The following DAB1 variants were observed in gnomAD, a reference collection of about 807,000 sequenced individuals.
DAB1 encodes disabled homolog 1.
A neutral mutation model predicts 64.6 loss-of-function variants in DAB1; 15 were observed. The ratio of observed to expected loss-of-function variants is 0.23; its 90% confidence interval spans 0.16 to 0.36. DAB1 has a LOEUF of 0.36. DAB1 is among the 10% of genes least tolerant of loss of function. DAB1 has a pLI of 1.00. For synonymous variants in DAB1, 235 were observed against 251.9 expected, an observed-to-expected ratio of 0.93 and a Z score of 0.64; for missense variants, 596 against 706.7, an observed-to-expected ratio of 0.84 and a Z score of 1.78.
chr1:58,506,646 G>C (rs1645994861), intron 2 of DAB1, among the ~76,000 whole-genome samples: 1 of 151,990 alleles, frequency 6.6e-6, no homozygotes, highest in South Asian at 2.1e-4. Context: ...TGTATTAAGG[G>C]TAAAATCTTT....
intron 1 of DAB1, chr1:57,307,103 C>T (rs1179080160): frequency 6.6e-6 from 1 of 152,154 alleles, no homozygotes; most frequent in East Asian, 1.9e-4. Context: ...AGGAGGGTCC[C>T]CTCGGGTCCC....
intron 2 of DAB1, among the ~76,000 whole-genome samples, chr1:57,237,297 T>C (rs1668163121): frequency 6.6e-6 from 1 of 152,196 alleles, no homozygotes; most frequent in East Asian, 1.9e-4. Flanking sequence ...CCTGTCCCCA[T>C]GGGGAGACAA....
intron 7 of DAB1, among the ~76,000 whole-genome samples, chr1:57,521,326 T>C (rs1204648097): frequency 1.3e-5 from 2 of 152,148 alleles, no homozygotes; most frequent in Non-Finnish European, 2.9e-5. Flanking sequence ...CATGCTGCTA[T>C]GAGGGATGCA....
chr1:58,060,389 T>C (rs113488518), intron 5 of DAB1: 8 of 152,322 alleles, frequency 5.3e-5, no homozygotes, highest in African/African-American at 1.4e-4. Context: ...TAAAAGAGCA[T>C]AGAGATTCTT....
At chr1:58,222,868 G>C (rs969392368) in intron 4 of DAB1, among the ~76,000 whole-genome samples, 2 of 152,104 alleles carry the variant, frequency 1.3e-5, no homozygotes, top group Non-Finnish European at 2.9e-5. Context: ...AGCCCTTCAG[G>C]GTGGGTATTA....
intron 6 of DAB1, among the ~76,000 whole-genome samples, chr1:57,697,217 A>G (rs1646855149): frequency 6.6e-6 from 1 of 152,112 alleles, no homozygotes; most frequent in African/African-American, 2.4e-5. Context: ...TGTCAGATGA[A>G]TGAATGAATG....
At chr1:57,817,186 TTATTA>T (rs1299660569) in intron 6 of DAB1, among the ~76,000 whole-genome samples, 2 of 152,180 alleles carry the variant, frequency 1.3e-5, no homozygotes, top group African/African-American at 4.8e-5. Flanking sequence ...GTTATTACGA[TTATTA>T]TATTTATCAT....
intron 7 of DAB1, among the ~76,000 whole-genome samples, chr1:57,537,333 T>G (rs1393671147): frequency 2.6e-5 from 4 of 152,166 alleles, no homozygotes; most frequent in African/African-American, 9.7e-5. Flanking sequence ...AATTATTAGG[T>G]TCTTATGAGG....
intron 2 of DAB1, among the ~76,000 whole-genome samples, chr1:57,236,645 AT>A (rs1277289491): frequency 6.6e-6 from 1 of 152,242 alleles, no homozygotes; most frequent in Non-Finnish European, 1.5e-5. Flanking sequence ...TACAGAGCTT[AT>A]CTTTTCTTCT....
chr1:57,775,790 A>C (rs1489496517), intron 6 of DAB1, among the ~76,000 whole-genome samples: 2 of 151,620 alleles, frequency 1.3e-5, no homozygotes, highest in Non-Finnish European at 3.0e-5. Context: ...AATTACTGAG[A>C]GAAGAAATGT....
chr1:57,922,782 C>T (rs1011495199), intron 5 of DAB1, among the ~76,000 whole-genome samples: 1 of 129,448 alleles, frequency 7.7e-6, no homozygotes, highest in East Asian at 2.3e-4. Flanking sequence ...GGAGGCAGAG[C>T]TTGCAGTGAG....
intron 6 of DAB1, among the ~76,000 whole-genome samples, chr1:57,783,048 T>TTCC (rs1557478426): frequency 8.4e-6 from 1 of 118,464 alleles, no homozygotes; most frequent in Admixed American, 9.9e-5. Flanking sequence ...TCTTTCTTTC[T>TTCC]TTCCTTCCTT....
intron 4 of DAB1, among the ~76,000 whole-genome samples, chr1:58,312,950 C>T (rs1662463480): frequency 6.6e-6 from 1 of 152,128 alleles, no homozygotes; most frequent in Admixed American, 6.5e-5. Context: ...CTATATTGCA[C>T]TTAGAACAGT....
At chr1:57,990,490 C>T (rs1274338984) in intron 5 of DAB1, among the ~76,000 whole-genome samples, 3 of 152,234 alleles carry the variant, frequency 2.0e-5, no homozygotes, top group Non-Finnish European at 1.5e-5. Flanking sequence ...ATCCTAACAA[C>T]AAGTTGGTGA....
chr1:57,889,899 CGGG>C (rs68120488), intron 5 of DAB1, among the ~76,000 whole-genome samples: 1 of 74,306 alleles, frequency 1.3e-5, no homozygotes, highest in Non-Finnish European at 2.5e-5. Flanking sequence ...CAAACTGGGG[CGGG>C]GGGGGGGGAG....
At chr1:57,176,372 A>T (rs1165001936) in intron 2 of DAB1, among the ~76,000 whole-genome samples, 2 of 152,110 alleles carry the variant, frequency 1.3e-5, no homozygotes, top group East Asian at 3.9e-4. Flanking sequence ...TGGCTTGTGC[A>T]GGGAAACCCC....
intron 5 of DAB1, among the ~76,000 whole-genome samples, chr1:57,911,963 C>T (rs1247426094): frequency 6.6e-6 from 1 of 152,216 alleles, no homozygotes; most frequent in Non-Finnish European, 1.5e-5. Context: ...ATTAAACCCC[C>T]TCCATGTGAA....
intron 2 of DAB1, among the ~76,000 whole-genome samples, chr1:57,212,359 CTTTTTTTTTTTT>C (rs57653531): frequency 1.2e-5 from 1 of 82,174 alleles, no homozygotes; most frequent in East Asian, 3.5e-4. Context: ...ATATTATTTC[CTTTTTTTTTTTT>C]TTTTTTTTTT....
At chr1:57,547,709 C>G (rs1644870977) in intron 7 of DAB1, among the ~76,000 whole-genome samples, 1 of 152,084 alleles carries the variant, frequency 6.6e-6, no homozygotes. Context: ...GATTCTGGAA[C>G]AGAAAAAGGA....
Sources: allele counts gnomAD v4.1 joint callset (sites outside exome capture counted in the v4.1 genomes callset), GRCh38; gene constraint gnomAD v4.1.1; transcripts MANE v1.5; gene names NCBI Gene and HGNC (gene_info 2026-07-23, HGNC 2026-07-21).